The following ERBB4 variants were observed in gnomAD, a reference collection of about 807,000 sequenced individuals.
The protein encoded by ERBB4 is receptor tyrosine-protein kinase erbB-4.
A neutral mutation model predicts 158.0 loss-of-function variants in ERBB4; 42 were observed. The ratio of observed to expected loss-of-function variants is 0.27; its 90% CI spans 0.21 to 0.34. ERBB4 has a LOEUF of 0.34. Among genes scored for constraint, ERBB4 ranks in the 10% least tolerant of loss-of-function variants. The pLI is 1.00. For missense variants in ERBB4, 1,333 were observed against 1,624.1 expected (o/e 0.82, Z 3.08); for synonymous variants, 583 against 558.7 (o/e 1.04, Z -0.61).
intron 16 of ERBB4, among the ~76,000 whole-genome samples, chr2:211,656,937 G>A (rs996327788): frequency 6.6e-5 from 10 of 152,234 alleles, no homozygotes; most frequent in African/African-American, 1.9e-4. Context: ...ATAGGTTTTT[G>A]TGTGGGAATG....
chr2:212,284,802 T>A (rs1328926152), intron 1 of ERBB4, among the ~76,000 whole-genome samples: 1 of 152,108 alleles, frequency 6.6e-6, no homozygotes, highest in Non-Finnish European at 1.5e-5. Flanking sequence ...TTTTGAGCAC[T>A]GCATAAAGGT....
At chr2:212,003,212 A>AGAAAGACGGAAG (rs2076173198) in intron 2 of ERBB4, among the ~76,000 whole-genome samples, 1 of 40,484 alleles carries the variant, frequency 2.5e-5, no homozygotes, top group African/African-American at 6.4e-5. Flanking sequence ...AAAGACAGAA[A>AGAAAGACGGAAG]GAAGGAAGGA....
intron 1 of ERBB4, among the ~76,000 whole-genome samples, chr2:212,177,979 T>C (rs941430974): frequency 2.7e-5 from 4 of 150,370 alleles, no homozygotes; most frequent in Non-Finnish European, 5.9e-5. Flanking sequence ...TGTGTGTGTG[T>C]GTTGGGAAGA....
At chr2:211,836,730 T>C (rs1007987891) in intron 3 of ERBB4, among the ~76,000 whole-genome samples, 1 of 152,106 alleles carries the variant, frequency 6.6e-6, no homozygotes, top group Non-Finnish European at 1.5e-5. Flanking sequence ...GTTTCAGGTC[T>C]GCTGTGTTAA....
chr2:212,318,128 A>G (rs985664494), intron 1 of ERBB4, among the ~76,000 whole-genome samples: 1 of 151,574 alleles, frequency 6.6e-6, no homozygotes, highest in Non-Finnish European at 1.5e-5. Flanking sequence ...CAGTAAACTG[A>G]GTCTCAGAAG....
At chr2:211,669,805 C>A (rs536395054) in intron 14 of ERBB4, among the ~76,000 whole-genome samples, 2 of 152,118 alleles carry the variant, frequency 1.3e-5, no homozygotes, top group African/African-American at 2.4e-5. Flanking sequence ...CTGAGATGTA[C>A]GAGAAATTTA....
At chr2:211,488,727 T>G (rs1259203699) in intron 20 of ERBB4, among the ~76,000 whole-genome samples, 2 of 151,868 alleles carry the variant, frequency 1.3e-5, no homozygotes, top group Non-Finnish European at 2.9e-5. Context: ...ACAAAAAGAG[T>G]CTGTCCTCAT....
chr2:211,544,690 A>G (rs558186744), intron 20 of ERBB4, among the ~76,000 whole-genome samples: 1 of 152,164 alleles, frequency 6.6e-6, no homozygotes, highest in African/African-American at 2.4e-5. Context: ...GCATACATCA[A>G]CTCATTTAAA....
intron 1 of ERBB4, among the ~76,000 whole-genome samples, chr2:212,454,821 C>G (rs7570124): frequency 6.6e-6 from 1 of 151,964 alleles, no homozygotes; most frequent in Non-Finnish European, 1.5e-5. Context: ...CAAAGTGAAG[C>G]AGTTGGACTC....
chr2:211,851,782 A>G (rs552180792), intron 3 of ERBB4, among the ~76,000 whole-genome samples: 2 of 152,090 alleles, frequency 1.3e-5, no homozygotes, highest in East Asian at 1.9e-4. Context: ...AATTCTTAGA[A>G]TACAGAAATT....
At chr2:212,055,897 C>G (rs1390072576) in intron 2 of ERBB4, among the ~76,000 whole-genome samples, 1 of 152,238 alleles carries the variant, frequency 6.6e-6, no homozygotes, top group Non-Finnish European at 1.5e-5. Flanking sequence ...GAGCGCAGCT[C>G]CTCACCAGCA....
chr2:211,596,857 C>T (rs62180249), intron 19 of ERBB4, among the ~76,000 whole-genome samples: 34,847 of 151,860 alleles, frequency 0.23, 4,351 homozygotes, highest in Middle Eastern at 0.31. Context: ...CTCCACCTCC[C>T]GGGTTCAAGT....
intron 2 of ERBB4, among the ~76,000 whole-genome samples, chr2:212,056,209 G>C (rs1323721366): frequency 1.3e-5 from 2 of 152,172 alleles, no homozygotes; most frequent in East Asian, 3.8e-4. Context: ...GAAATGAAGT[G>C]AGAAGAGAAG....
At chr2:211,763,897 T>TACACACACACAC (rs58206154) in intron 4 of ERBB4, among the ~76,000 whole-genome samples, 10,923 of 149,942 alleles carry the variant, frequency 0.073, 673 homozygotes, top group African/African-American at 0.17. Context: ...TGCGTGTGTA[T>TACACACACACAC]ACACACACAC....
At chr2:212,144,281 C>A (rs1026165594) in intron 1 of ERBB4, among the ~76,000 whole-genome samples, 2 of 152,180 alleles carry the variant, frequency 1.3e-5, no homozygotes, top group Admixed American at 6.5e-5. Flanking sequence ...TCTTCATTAA[C>A]CATTGAATGA....
intron 1 of ERBB4, among the ~76,000 whole-genome samples, chr2:212,388,516 CTG>C (rs2090753384): frequency 1.3e-5 from 2 of 151,980 alleles, no homozygotes; most frequent in African/African-American, 4.8e-5. Flanking sequence ...GAGAGGAAAT[CTG>C]AGCAGCCAGA....
At chr2:211,875,043 AAAAAAAAC>A (rs1559600602) in intron 3 of ERBB4, among the ~76,000 whole-genome samples, 8 of 114,208 alleles carry the variant, frequency 7.0e-5, no homozygotes, top group East Asian at 2.1e-4. Flanking sequence ...AAAAAAAAAA[AAAAAAAAC>A]AAACTCAAAT....
intron 4 of ERBB4, among the ~76,000 whole-genome samples, chr2:211,781,817 G>A (rs963922577): frequency 2.6e-5 from 4 of 152,086 alleles, no homozygotes; most frequent in Non-Finnish European, 5.9e-5. Context: ...AAACCTATGT[G>A]TAATCTTTCA....
intron 1 of ERBB4, among the ~76,000 whole-genome samples, chr2:212,452,009 G>GGTT (rs1270328511): frequency 3.6e-5 from 5 of 139,004 alleles, no homozygotes; most frequent in Admixed American, 7.3e-5. Context: ...GAGTGTGCAG[G>GGTT]TTTTTTTTTT....
Sources: allele counts gnomAD v4.1 joint callset (sites outside exome capture counted in the v4.1 genomes callset), GRCh38; gene constraint gnomAD v4.1.1; transcripts MANE v1.5; gene names NCBI Gene and HGNC (gene_info 2026-07-23, HGNC 2026-07-21).